The following HSD17B12 variants were observed in gnomAD, a reference collection of about 807,000 sequenced individuals.
HSD17B12 encodes the protein hydroxysteroid 17-beta dehydrogenase 12.
Under a neutral mutation model 39.3 loss-of-function variants are expected in HSD17B12, and 32 were observed. That is an observed-to-expected ratio of 0.81 (90% CI 0.61 to 1.09). The LOEUF is 1.09. HSD17B12 is among the 50% of genes least tolerant of loss of function. The pLI, the probability that HSD17B12 is intolerant of heterozygous loss-of-function variation, is 0.00. For missense variants in HSD17B12, 342 were observed against 382.9 expected (o/e 0.89, Z 0.89); for synonymous variants, 150 against 146.7 (o/e 1.02, Z -0.16).
chr11:43,560,145 G>A, the HSD17B12 span, among the ~76,000 whole-genome samples: 1 of 152,144 alleles, frequency 6.6e-6, no homozygotes, highest in African/African-American at 2.4e-5. Context: ...AAACACAAGA[G>A]CGTTTAACTC....
rs1950605262 is a variant in HSD17B12 at position 43,767,395 on chromosome 11, T to G, written c.283+13274T>G. Among the ~76,000 whole-genome samples, 3 of 152,156 alleles carry G rather than the reference T, an allele frequency of 2.0e-5. No homozygotes were observed. The South Asian group carries it at 6.2e-4, about 32-fold the overall frequency. On this transcript the variant is annotated intron_variant, in intron 3 of 10. Coordinates refer to ENST00000278353, the MANE Select transcript of HSD17B12 (RefSeq NM_016142.3). Reference sequence around the variant, plus strand: ...TAGAATGGCATATTCTTGGAAACATTTATAAAATTTAGTAGTTTTATGTGG... The same window carrying G: ...TAGAATGGCATATTCTTGGAAACATGTATAAAATTTAGTAGTTTTATGTGG...
At chr11:43,725,959 G>A (rs550733171) in intron 1 of HSD17B12, among the ~76,000 whole-genome samples, 20 of 152,062 alleles carry the variant, frequency 1.3e-4, no homozygotes, top group South Asian at 2.1e-4. Flanking sequence ...AGCCATGAAC[G>A]CAAGATTTTT....
chr11:43,668,447 G>T, the HSD17B12 span, among the ~76,000 whole-genome samples: 5 of 152,072 alleles, frequency 3.3e-5, no homozygotes, highest in African/African-American at 4.8e-5. Context: ...CACCTCAAAG[G>T]TCCTTAATTT....
the HSD17B12 span, among the ~76,000 whole-genome samples, chr11:43,573,950 G>A: frequency 6.6e-6 from 1 of 152,188 alleles, no homozygotes; most frequent in Non-Finnish European, 1.5e-5. Context: ...GTCATCTTCA[G>A]TGCAAGAACC....
At chr11:43,813,437 T>C (rs559829534) in intron 4 of HSD17B12, among the ~76,000 whole-genome samples, 1 of 152,310 alleles carries the variant, frequency 6.6e-6, no homozygotes, top group African/African-American at 2.4e-5. Context: ...GGGAGATAGT[T>C]CACTGTACTT....
intron 1 of HSD17B12, among the ~76,000 whole-genome samples, chr11:43,731,846 G>A (rs1355349853): frequency 6.6e-6 from 1 of 152,100 alleles, no homozygotes; most frequent in Non-Finnish European, 1.5e-5. Context: ...CCTTTCCATG[G>A]CATGGAACCC....
chr11:43,565,201 G>A, the HSD17B12 span, among the ~76,000 whole-genome samples: 1 of 152,124 alleles, frequency 6.6e-6, no homozygotes, highest in South Asian at 2.1e-4. Context: ...TGCCCAGCGA[G>A]TCTTTCTTCT....
the HSD17B12 span, among the ~76,000 whole-genome samples, chr11:43,580,883 T>C: frequency 3.9e-5 from 6 of 152,146 alleles, no homozygotes; most frequent in Admixed American, 3.9e-4. Context: ...ACCAATGAGC[T>C]GGCGGCCTCG....
the HSD17B12 span, chr11:43,670,528 T>A: frequency 1.3e-5 from 2 of 152,218 alleles, no homozygotes; most frequent in South Asian, 2.1e-4. Context: ...CAGTTTTTCA[T>A]TATATTATGC....
chr11:43,606,750 C>A, the HSD17B12 span, among the ~76,000 whole-genome samples: 1 of 152,154 alleles, frequency 6.6e-6, no homozygotes, highest in African/African-American at 2.4e-5. Context: ...ATAGGCAGTG[C>A]TCTATGTGAA....
At chr11:43,803,965 C>A (rs1950994878) in intron 4 of HSD17B12, among the ~76,000 whole-genome samples, 3 of 152,318 alleles carry the variant, frequency 2.0e-5, no homozygotes, top group Non-Finnish European at 4.4e-5. Context: ...GAGAGACTCT[C>A]ATGTGTGCTC....
At chr11:43,610,879 A>T in the HSD17B12 span, among the ~76,000 whole-genome samples, 1 of 152,168 alleles carries the variant, frequency 6.6e-6, no homozygotes, top group Non-Finnish European at 1.5e-5. Flanking sequence ...CCCAGGGAAT[A>T]TATCAGATCT....
At position 43,809,292 on chromosome 11, in the gene HSD17B12, C is replaced by G. The variant is rs552224041; in HGVS notation, c.392-6145C>G. On this transcript the variant is annotated intron_variant, in intron 4 of 10. Transcript: ENST00000278353. ...CATTTAATTCTTAAATTACTATCCC[C>G]ATTTTATGTCAAAGGACAATGAGGC... 2.4e-4 allele frequency among the ~76,000 whole-genome samples: 37 copies of G among 152,250 alleles called. No homozygotes were observed. In the South Asian group the frequency reaches 2.5e-3, roughly 10 times the overall value.
At chr11:43,768,268 A>C (rs1262054297) in intron 3 of HSD17B12, among the ~76,000 whole-genome samples, 1 of 152,240 alleles carries the variant, frequency 6.6e-6, no homozygotes, top group Non-Finnish European at 1.5e-5. Flanking sequence ...CAGCATGACT[A>C]TGTTTGAATG....
intron 4 of HSD17B12, chr11:43,806,314 G>A (rs903415194): frequency 2.0e-5 from 3 of 152,082 alleles, no homozygotes; most frequent in Admixed American, 2.0e-4. Context: ...CCCCATCCTG[G>A]GTCATCTTGA....
the HSD17B12 span, among the ~76,000 whole-genome samples, chr11:43,646,946 A>G: frequency 6.6e-6 from 1 of 152,230 alleles, no homozygotes; most frequent in African/African-American, 2.4e-5. Context: ...TATTGGATAG[A>G]TACGTCAAAA....
chr11:43,599,040 T>C, the HSD17B12 span, among the ~76,000 whole-genome samples: 1 of 152,244 alleles, frequency 6.6e-6, no homozygotes, highest in African/African-American at 2.4e-5. Flanking sequence ...TTAAATAGAA[T>C]CTGTCTGTTA....
At chr11:43,575,241 G>A in the HSD17B12 span, among the ~76,000 whole-genome samples, 1 of 152,236 alleles carries the variant, frequency 6.6e-6, no homozygotes, top group Admixed American at 6.5e-5. The surrounding 1 kb of genome is among the most constrained non-coding windows in gnomAD (Gnocchi z 4.1). Flanking sequence ...TTCCGTGGGA[G>A]ACCAGGCAGG....
intron 1 of HSD17B12, among the ~76,000 whole-genome samples, chr11:43,737,799 C>T (rs1325143625): frequency 1.3e-5 from 2 of 152,168 alleles, no homozygotes; most frequent in East Asian, 3.9e-4. Flanking sequence ...TCCGGCCAGG[C>T]GCAGTGGCTC....
Sources: allele counts gnomAD v4.1 joint callset (sites outside exome capture counted in the v4.1 genomes callset), GRCh38; gene constraint gnomAD v4.1.1; non-coding constraint Gnocchi (gnomAD v3.1); transcripts MANE v1.5; gene names NCBI Gene and HGNC (gene_info 2026-07-23, HGNC 2026-07-21).